The following SHISA9 variants were observed in gnomAD, a reference collection of about 807,000 sequenced individuals.
SHISA9 encodes the protein shisa family member 9, also known as protein shisa-9.
Under a neutral mutation model 38.0 loss-of-function variants are expected in SHISA9, and 13 were observed. That is an observed-to-expected ratio of 0.34 (90% CI 0.22 to 0.54). The LOEUF (loss-of-function observed/expected upper bound fraction) is 0.54. Among genes scored for constraint, SHISA9 ranks in the 20% least tolerant of loss-of-function variants. SHISA9 has a pLI of 0.91. For missense variants in SHISA9, 538 were observed against 575.8 expected (o/e 0.93, Z 0.67); for synonymous variants, 275 against 242.0 (o/e 1.14, Z -1.27).
rs567774910 is a variant in SHISA9 at position 13,189,993 on chromosome 16, T to G, written c.692-13401T>G. On this transcript the variant is annotated intron_variant, in intron 2 of 4. Transcript: ENST00000558583. ...CTAAACAGCCATAGTAGGCTGGGGC[T>G]ATTGAGTGAAGGGGCAAACATCTCC... 1.1e-4 allele frequency among the ~76,000 whole-genome samples: 17 copies of G among 151,902 alleles called. No homozygotes were observed. The South Asian group carries it at 3.3e-3, about 30-fold the overall frequency.
intron 2 of SHISA9, among the ~76,000 whole-genome samples, chr16:13,092,584 C>T (rs762092505): frequency 4.6e-5 from 7 of 152,240 alleles, no homozygotes; most frequent in East Asian, 1.9e-4. Flanking sequence ...CAGACGGCTG[C>T]GCTAGCATTG....
intron 2 of SHISA9, among the ~76,000 whole-genome samples, chr16:12,993,582 T>C (rs1406157611): frequency 6.6e-6 from 1 of 152,200 alleles, no homozygotes; most frequent in Non-Finnish European, 1.5e-5. Context: ...GCATCTACCA[T>C]GGGCACTGTG....
chr16:12,909,783 A>G (rs2071155664), intron 1 of SHISA9: 1 of 165,702 alleles, frequency 6.0e-6, no homozygotes, highest in African/African-American at 2.4e-5. Flanking sequence ...TTGCTAGTTT[A>G]CTGGTTTACT....
chr16:13,416,774 G>A, the SHISA9 span, among the ~76,000 whole-genome samples: 586 of 45,390 alleles, frequency 0.013, 1 homozygote, highest in African/African-American at 0.017. Context: ...AAGGAAGGAA[G>A]GGAAGGAAGG....
At chr16:13,424,428 C>G in the SHISA9 span, among the ~76,000 whole-genome samples, 1 of 152,372 alleles carries the variant, frequency 6.6e-6, no homozygotes, top group African/African-American at 2.4e-5. Context: ...CTCCAAACCC[C>G]TAGGCATCAG....
the SHISA9 span, among the ~76,000 whole-genome samples, chr16:13,273,516 G>T: frequency 5.9e-5 from 9 of 152,200 alleles, no homozygotes; most frequent in African/African-American, 2.2e-4. Context: ...ATCCATGTAA[G>T]ATTTGACTTG....
chr16:13,147,114 A>G (rs1172333811), intron 2 of SHISA9, among the ~76,000 whole-genome samples: 3 of 152,222 alleles, frequency 2.0e-5, no homozygotes, highest in African/African-American at 4.8e-5. Flanking sequence ...AGCAAGATGC[A>G]TATTGTTTTT....
chr16:13,139,272 C>T (rs1358886186), intron 2 of SHISA9, among the ~76,000 whole-genome samples: 1 of 149,778 alleles, frequency 6.7e-6, no homozygotes, highest in Non-Finnish European at 1.5e-5. Context: ...TTCCCTTCCT[C>T]TATCTCTTCC....
the SHISA9 span, among the ~76,000 whole-genome samples, chr16:13,470,076 C>A: frequency 6.6e-6 from 1 of 152,134 alleles, no homozygotes; most frequent in East Asian, 1.9e-4. Context: ...AAATCCTTTT[C>A]TTTCCCCTAT....
At chr16:13,408,924 C>T in the SHISA9 span, among the ~76,000 whole-genome samples, 2 of 152,190 alleles carry the variant, frequency 1.3e-5, no homozygotes, top group Non-Finnish European at 2.9e-5. Flanking sequence ...CACCCTCAAG[C>T]CTGGATACCC....
At chr16:13,278,645 GGGTT>G in the SHISA9 span, among the ~76,000 whole-genome samples, 1 of 151,886 alleles carries the variant, frequency 6.6e-6, no homozygotes, top group East Asian at 1.9e-4. Context: ...TAAGCTAGGA[GGGTT>G]GTATTTTTCC....
At chr16:13,396,170 T>A in the SHISA9 span, among the ~76,000 whole-genome samples, 10 of 152,162 alleles carry the variant, frequency 6.6e-5, no homozygotes, top group African/African-American at 2.2e-4. Context: ...CTACAGTACC[T>A]GAATCTTCCA....
At chr16:13,208,814 T>C (rs1200945233) in intron 3 of SHISA9, among the ~76,000 whole-genome samples, 1 of 152,204 alleles carries the variant, frequency 6.6e-6, no homozygotes, top group African/African-American at 2.4e-5. Flanking sequence ...ACCAAATCTG[T>C]CCCATTTGTC....
At chr16:13,089,034 G>T (rs1315204169) in intron 2 of SHISA9, among the ~76,000 whole-genome samples, 1 of 152,146 alleles carries the variant, frequency 6.6e-6, no homozygotes, top group African/African-American at 2.4e-5. Context: ...CTTGAATTTT[G>T]TTGAAGGCCT....
At chr16:12,981,733 C>A (rs1429645624) in intron 2 of SHISA9, among the ~76,000 whole-genome samples, 1 of 152,104 alleles carries the variant, frequency 6.6e-6, no homozygotes, top group African/African-American at 2.4e-5. Context: ...TATTCGGAGA[C>A]AGGGTCTTTA....
At chr16:13,004,179 G>T (rs2072565674) in intron 2 of SHISA9, among the ~76,000 whole-genome samples, 1 of 152,180 alleles carries the variant, frequency 6.6e-6, no homozygotes, top group Non-Finnish European at 1.5e-5. Flanking sequence ...CCTCAAAGGG[G>T]ATATAGGGAA....
the SHISA9 span, among the ~76,000 whole-genome samples, chr16:13,425,560 A>G: frequency 6.6e-6 from 1 of 152,214 alleles, no homozygotes; most frequent in East Asian, 1.9e-4. Context: ...AGGGCTGCAA[A>G]GCAACTTACT....
At chr16:13,007,214 GA>G (rs1473790273) in intron 2 of SHISA9, among the ~76,000 whole-genome samples, 1 of 152,150 alleles carries the variant, frequency 6.6e-6, no homozygotes, top group Non-Finnish European at 1.5e-5. Context: ...TGTCCAAAGG[GA>G]CATTCATTGT....
chr16:13,161,308 C>T (rs748523094), intron 2 of SHISA9, among the ~76,000 whole-genome samples: 6 of 152,094 alleles, frequency 3.9e-5, no homozygotes, highest in Non-Finnish European at 7.4e-5. Flanking sequence ...TTCCCCCCTG[C>T]TTGGGTCTTT....
Sources: gnomAD v4.1 joint callset for allele counts (sites outside exome capture counted in the v4.1 genomes callset) on GRCh38, gnomAD v4.1.1 for gene constraint, MANE v1.5 for transcripts, NCBI Gene and HGNC (gene_info 2026-07-23, HGNC 2026-07-21) for gene names.